Variants in ASXL1 observed in about 807,000 individuals in gnomAD.
ASXL1 encodes polycomb group protein ASXL1.
A neutral mutation model predicts 89.1 loss-of-function variants in ASXL1; 65 were observed. The observed-to-expected ratio is 0.73, with a 90% CI of 0.60 to 0.90. ASXL1 has a LOEUF of 0.90. Among genes scored for constraint, ASXL1 ranks in the 40% least tolerant of loss-of-function variants. The probability of loss-of-function intolerance (pLI) is 0.00; values close to 1 mark genes in which losing one functional copy is unlikely to be tolerated. For synonymous variants in ASXL1, 739 were observed against 746.9 expected (o/e 0.99, Z 0.17); for missense variants, 1,786 against 1,942.9 (o/e 0.92, Z 1.52).
At chr20:32,380,899 A>G (rs2048475436) in intron 4 of ASXL1, among the ~76,000 whole-genome samples, 2 of 152,230 alleles carry the variant, frequency 1.3e-5, no homozygotes, top group South Asian at 4.1e-4. Context: ...TGTAGCAAGC[A>G]AAGTGGTCCT....
rs774130477 is a variant in ASXL1, at chr20:32,434,912, A to G, written c.2200A>G (p.Arg734Gly). The change falls in exon 13 of 13, where the codon AGG becomes GGG. Residue 734 changes from arginine (R) to glycine (G), a missense_variant. Around this residue, in one of 3 missense-constraint regions of ASXL1, gnomAD observed 1,418 missense variants for 1,427.8 expected, o/e 0.99. Transcript: ENST00000375687. ...AAAGGAGGAAAGCTGCCTACTACAG[A>G]GGGCTACAGTTGGACTCACAGATGG... ...LRKEESCLLQ[R>G]ATVGLTDGLG... is the part of the protein sequence containing the mutation. 6.2e-7 allele frequency: 1 copy of G among 1,614,168 alleles called. No homozygotes were observed. The highest frequency in any genetic ancestry group is 2.2e-5 in the East Asian group (1 of 44,884).
chr20:32,378,158 T>TTGTGTGTGTG (rs142792019), intron 4 of ASXL1, among the ~76,000 whole-genome samples: 6,549 of 130,206 alleles, frequency 0.05, 208 homozygotes, highest in South Asian at 0.087. Context: ...GCTGAGTAAT[T>TTGTGTGTGTG]TGTGTGTGTG....
rs193204145 is a variant in ASXL1 at position 32,369,251 on chromosome 20, G to A, written c.252+128G>A. 6 of 909,084 alleles carry A rather than the reference G, an allele frequency of 6.6e-6. No individual in the cohort carries two copies. The Admixed American group carries it at 9.8e-5, about 15-fold the overall frequency. 56.3% of individuals were successfully genotyped at this position (909,084 alleles called of 1,614,324 possible). A position where few individuals can be genotyped will look rare whatever the true frequency, so the allele number is the denominator to read the frequency against. On this transcript the variant is annotated intron_variant, in intron 4 of 12. Coordinates refer to ENST00000375687, the MANE Select transcript of ASXL1 (RefSeq NM_015338.6). ...TCATATGCAGTCAGGTGACACTGATGTTTTTCTTTTTTTTAGACATAGTCT... is the reference window on the plus strand; with the variant it reads ...TCATATGCAGTCAGGTGACACTGATATTTTTCTTTTTTTTAGACATAGTCT...
Position 32,437,274 on chromosome 20 carries a change from C to T in ASXL1, c.4562C>T (p.Ala1521Val), listed in dbSNP as rs2011979374. Residue 1521 changes from alanine to valine, a missense_variant, in exon 13 of 13, where the codon GCG (alanine) becomes GTG (valine). By Grantham distance (64) the Ala-to-Val change is moderately conservative (BLOSUM62 0). Transcript: ENST00000375687. ...KAMIMCQGCG[A>V]FCHDDCIGPS... ...ATGATCATGTGCCAAGGCTGCGGTGCGTTCTGTCACGATGACTGTATTGGA... is the reference window on the plus strand; with the variant it reads ...ATGATCATGTGCCAAGGCTGCGGTGTGTTCTGTCACGATGACTGTATTGGA... 19 of 1,613,976 alleles carry T rather than the reference C, an allele frequency of 1.2e-5. No individual in the cohort carries two copies. Among genetic ancestry groups the T allele is most frequent in the Non-Finnish European group, 1.5e-5 (18 of 1,180,018 alleles).
intron 4 of ASXL1, among the ~76,000 whole-genome samples, chr20:32,399,996 A>G (rs2048845372): frequency 1.3e-5 from 2 of 151,940 alleles, no homozygotes; most frequent in Admixed American, 1.3e-4. Flanking sequence ...TCCTGACCTC[A>G]AGTGATCTGC....
intron 11 of ASXL1, 105 bp from the exon 12 acceptor site, chr20:32,433,179 T>G: frequency 1.3e-6 from 2 of 1,563,158 alleles, no homozygotes; most frequent in Admixed American, 1.9e-5. Context: ...CCACACAGAT[T>G]TATTTTGTTC....
At chr20:32,376,333 G>A (rs189894846) in intron 4 of ASXL1, among the ~76,000 whole-genome samples, 2 of 152,058 alleles carry the variant, frequency 1.3e-5, no homozygotes, top group East Asian at 3.9e-4. Flanking sequence ...GGAGTGCAGT[G>A]GCGCAATCTC....
At chr20:32,370,321 T>C (rs753172720) in intron 4 of ASXL1, among the ~76,000 whole-genome samples, 32 of 152,142 alleles carry the variant, frequency 2.1e-4, no homozygotes, top group Non-Finnish European at 3.8e-4. Flanking sequence ...TTTTTTTGTT[T>C]TGTGGATCAT....
At chr20:32,423,400 T>TG (rs138983383) in intron 4 of ASXL1, among the ~76,000 whole-genome samples, 50,189 of 133,626 alleles carry the variant, frequency 0.38, 9,812 homozygotes, top group South Asian at 0.57. Context: ...TAGCTAATTT[T>TG]TTGTGTGTGT....
chr20:32,408,173 C>T (rs948721853), intron 4 of ASXL1, among the ~76,000 whole-genome samples: 1 of 151,884 alleles, frequency 6.6e-6, no homozygotes, highest in Non-Finnish European at 1.5e-5. Flanking sequence ...CCTCAGGTGA[C>T]CTGCCCGCTT....
At chr20:32,389,877 C>G (rs8183586) in intron 4 of ASXL1, among the ~76,000 whole-genome samples, 1 of 152,192 alleles carries the variant, frequency 6.6e-6, no homozygotes, top group Admixed American at 6.5e-5. Flanking sequence ...CAAATTCACC[C>G]TTTTTAGTGT....
chr20:32,358,801 A>T lies in ASXL1; in HGVS notation c.26A>T (p.Lys9Met). The T allele has an allele frequency of 1.3e-6, 2 of 1,509,364 alleles. No individual in the cohort carries two copies. The highest frequency in any genetic ancestry group is 1.8e-6 in the Non-Finnish European group (2 of 1,127,836). The allele number at this position is 1,509,364 out of a possible 1,614,324, so 93.5% of individuals were successfully genotyped here. ...ATGAAGGACAAACAGAAGAAGAAGA[A>T]GGAGCGCACGTGGGCCGAGGCCGCG... is the stretch of plus-strand genomic sequence containing the variant. MKDKQKKK[K>M]ERTWAEAARL... Residue 9 changes from lysine to methionine, a missense_variant, in exon 1 of 13, where the codon AAG becomes ATG. Lys to Met is a moderately conservative substitution (Grantham distance 95, BLOSUM62 -1). Coordinates refer to ENST00000375687, the MANE Select transcript of ASXL1 (RefSeq NM_015338.6).
Position 32,366,480 on chromosome 20 carries a change from T to G in ASXL1, c.140+14T>G, listed in dbSNP as rs1263983564. 6.2e-7 allele frequency: 1 copy of G among 1,613,126 alleles called. No homozygotes were observed. The highest frequency in any genetic ancestry group is 8.5e-7 in the Non-Finnish European group (1 of 1,179,170). ...AAAGGAAATGAGGTTTGTATTGTTC[T>G]TGTTGCTTAACATGAGGGTTTCATA... On this transcript the variant is annotated intron_variant, in intron 2 of 12. Coordinates refer to ENST00000375687, the MANE Select transcript of ASXL1 (RefSeq NM_015338.6).
At chr20:32,407,062 G>T (rs890957072) in intron 4 of ASXL1, among the ~76,000 whole-genome samples, 1 of 151,884 alleles carries the variant, frequency 6.6e-6, no homozygotes. Flanking sequence ...AAATATATAG[G>T]TGGGCTTGGT....
chr20:32,359,040 C>T (rs1569228326), intron 1 of ASXL1: 1 of 608,488 alleles, frequency 1.6e-6, no homozygotes, highest in African/African-American at 1.9e-5. Context: ...CGCTCGCCCT[C>T]GCGCCCCCCC....
intron 1 of ASXL1, among the ~76,000 whole-genome samples, chr20:32,362,439 A>T (rs1289895776): frequency 6.6e-6 from 1 of 152,122 alleles, no homozygotes; most frequent in East Asian, 1.9e-4. Flanking sequence ...GATCGAGACC[A>T]TCCTGGCTAA....
In ASXL1 at chr20:32,419,352, G is replaced by A. The variant is rs115606776; in HGVS notation, c.253-8776G>A. ...CGAGTAGCTGAGACTACAGGTGCGC[G>A]TCACCATGTGCAGCTAATTTTTGAA... On this transcript the variant is annotated intron_variant, in intron 4 of 12. Transcript: ENST00000375687. Among the ~76,000 whole-genome samples, 1,117 of 152,016 alleles carry A rather than the reference G, an allele frequency of 7.3e-3. 14 individuals carry two copies. The highest frequency in any genetic ancestry group is 0.024 in the African/African-American group (999 of 41,456).
chr20:32,404,045 G>A (rs528507035), intron 4 of ASXL1, among the ~76,000 whole-genome samples: 3 of 151,976 alleles, frequency 2.0e-5, no homozygotes, highest in African/African-American at 7.2e-5. Flanking sequence ...TCCCTTCTAG[G>A]TATTTTGAAA....
chr20:32,428,628 C>A, intron 6 of ASXL1: 1 of 388,368 alleles, frequency 2.6e-6, no homozygotes. Context: ...CTTTCTTTAC[C>A]TTGGCTGAGT....
Sources: gnomAD v4.1 joint callset for allele counts (sites outside exome capture counted in the v4.1 genomes callset) on GRCh38, gnomAD v4.1.1 for gene constraint, gnomAD v4.1.1 regional missense constraint, MANE v1.5 for transcripts, NCBI Gene and HGNC (gene_info 2026-07-23, HGNC 2026-07-21) for gene names.